Variants in PDE8A observed in about 807,000 individuals in gnomAD.
PDE8A encodes the protein phosphodiesterase 8A.
PDE8A carries 59 observed loss-of-function variants against 105.0 expected under a neutral mutation model. The ratio of observed to expected loss-of-function variants is 0.56; its 90% confidence interval spans 0.46 to 0.70. PDE8A has a LOEUF of 0.70. PDE8A is among the 30% of genes least tolerant of loss of function. The pLI is 0.00. For missense variants in PDE8A, 1,014 were observed against 1,045.9 expected (o/e 0.97, Z 0.42); for synonymous variants, 355 against 371.9 (o/e 0.95, Z 0.52).
At chr15:85,012,926 A>G (rs1717811729) in intron 1 of PDE8A, among the ~76,000 whole-genome samples, 2 of 152,216 alleles carry the variant, frequency 1.3e-5, no homozygotes, top group South Asian at 4.1e-4. Flanking sequence ...TGGAAACAAA[A>G]GAGTGGGAGT....
At chr15:85,040,162 G>A (rs904749842) in intron 1 of PDE8A, among the ~76,000 whole-genome samples, 4 of 152,158 alleles carry the variant, frequency 2.6e-5, no homozygotes, top group African/African-American at 9.6e-5. Flanking sequence ...AGAAAAAGAA[G>A]CTGAGTGTGA....
chr15:84,980,550 G>C (rs1044122047), upstream of PDE8A: 1 of 152,602 alleles, frequency 6.6e-6, no homozygotes, highest in Non-Finnish European at 1.5e-5. Flanking sequence ...CACCGCGCCA[G>C]GGTCTCCGCA....
intron 1 of PDE8A, among the ~76,000 whole-genome samples, chr15:84,999,606 C>T (rs56299328): frequency 0.012 from 1,757 of 150,640 alleles, 35 homozygotes; most frequent in African/African-American, 0.04. Context: ...GACGGAGTCT[C>T]GCTCTGTCGC....
intron 1 of PDE8A, among the ~76,000 whole-genome samples, chr15:85,024,462 C>T (rs1281466291): frequency 6.6e-6 from 1 of 151,922 alleles, no homozygotes; most frequent in Admixed American, 6.6e-5. Context: ...TTAGTTTGGC[C>T]TTAGCCAAGT....
intron 8 of PDE8A, among the ~76,000 whole-genome samples, chr15:85,096,326 G>T (rs1007670231): frequency 2.0e-5 from 3 of 152,002 alleles, no homozygotes; most frequent in African/African-American, 7.2e-5. Context: ...GGGCATGGTG[G>T]TATGTGCCTG....
chr15:85,125,870 GGA>G (rs144751759), intron 19 of PDE8A, among the ~76,000 whole-genome samples: 143 of 152,124 alleles, frequency 9.4e-4, no homozygotes, highest in East Asian at 6.7e-3. Flanking sequence ...TTACCAAGGG[GGA>G]GAGAGAGAGT....
chr15:85,058,283 C>T (rs1183306695), intron 1 of PDE8A, among the ~76,000 whole-genome samples: 3 of 152,036 alleles, frequency 2.0e-5, no homozygotes, highest in East Asian at 1.9e-4. Context: ...GTTAGGGTCT[C>T]GTTATTTTGC....
At chr15:85,064,547 T>C (rs2081191913) in intron 2 of PDE8A, 121 bp downstream of exon 2, 1 of 659,102 alleles carries the variant, frequency 1.5e-6, no homozygotes, top group Non-Finnish European at 2.7e-6. Flanking sequence ...GGACCAATGT[T>C]AAATTCCCTG....
chr15:84,998,198 C>T (rs1341801853), intron 1 of PDE8A, among the ~76,000 whole-genome samples: 1 of 152,164 alleles, frequency 6.6e-6, no homozygotes, highest in Non-Finnish European at 1.5e-5. Context: ...AATCGAAACC[C>T]TAAGGCAGTT....
chr15:84,988,565 C>T (rs2079839205), intron 1 of PDE8A, among the ~76,000 whole-genome samples: 1 of 151,148 alleles, frequency 6.6e-6, no homozygotes, highest in African/African-American at 2.5e-5. Context: ...TCCCCTTTCT[C>T]CTGCTCAGGT....
intron 11 of PDE8A, 131 bp from the exon 12 acceptor site, chr15:85,108,922 G>T: frequency 1.6e-6 from 1 of 626,526 alleles, no homozygotes; most frequent in Non-Finnish European, 2.9e-6. Context: ...CTTCATCTCT[G>T]TACTGTGTTT....
chr15:85,132,044 G>A (rs968353185), intron 20 of PDE8A, among the ~76,000 whole-genome samples: 1 of 152,146 alleles, frequency 6.6e-6, no homozygotes, highest in Non-Finnish European at 1.5e-5. Flanking sequence ...GTTATAGTGT[G>A]TCTCAGATAG....
At chr15:85,038,803 C>T (rs537309982) in intron 1 of PDE8A, among the ~76,000 whole-genome samples, 1 of 152,198 alleles carries the variant, frequency 6.6e-6, no homozygotes, top group African/African-American at 2.4e-5. Context: ...TCACCTCATA[C>T]CTTTGGATTG....
intron 16 of PDE8A, 107 bp downstream of exon 16, chr15:85,116,226 G>A (rs1241481682): frequency 6.7e-6 from 8 of 1,199,500 alleles, no homozygotes; most frequent in African/African-American, 4.6e-5. Flanking sequence ...CCTGGTCAGG[G>A]TGGGGCCCTA....
At chr15:85,047,297 C>T (rs974260375) in intron 1 of PDE8A, among the ~76,000 whole-genome samples, 3 of 152,188 alleles carry the variant, frequency 2.0e-5, no homozygotes, top group Admixed American at 1.3e-4. Flanking sequence ...TTCCAGTCCT[C>T]TTTTCTAGAG....
intron 20 of PDE8A, among the ~76,000 whole-genome samples, chr15:85,128,665 T>C (rs1190970655): frequency 6.6e-6 from 1 of 152,206 alleles, no homozygotes; most frequent in Non-Finnish European, 1.5e-5. Flanking sequence ...CATAGATATA[T>C]AAAGAACTAT....
chr15:85,106,199 TTCC>T (rs2081944891), intron 11 of PDE8A, among the ~76,000 whole-genome samples: 2 of 152,006 alleles, frequency 1.3e-5, no homozygotes, highest in African/African-American at 4.8e-5. Flanking sequence ...CACAAGCAGT[TTCC>T]TCCTCCTGGA....
At chr15:85,119,140 A>G (rs78194694) in intron 17 of PDE8A, among the ~76,000 whole-genome samples, 4,583 of 152,230 alleles carry the variant, frequency 0.03, 186 homozygotes, top group African/African-American at 0.092. Flanking sequence ...CTCTATAGAC[A>G]ACATACAAAT....
At chr15:85,056,281 C>T (rs1413513830) in intron 1 of PDE8A, among the ~76,000 whole-genome samples, 11 of 152,086 alleles carry the variant, frequency 7.2e-5, no homozygotes, top group South Asian at 2.1e-4. Context: ...CTGACAATTA[C>T]GTGTCTTGGA....
Sources: gnomAD v4.1 joint callset for allele counts (sites outside exome capture counted in the v4.1 genomes callset) on GRCh38, gnomAD v4.1.1 for gene constraint, MANE v1.5 for transcripts, NCBI Gene and HGNC (gene_info 2026-07-23, HGNC 2026-07-21) for gene names.